RNF20: variants seen among roughly 807,000 people sequenced by gnomAD.
RNF20 encodes E3 ubiquitin-protein ligase BRE1A.
A neutral mutation model predicts 126.2 loss-of-function variants in RNF20; 84 were observed. That is an observed-to-expected ratio of 0.67 (90% confidence interval 0.56 to 0.80). The LOEUF is 0.80. RNF20 is among the 30% of genes least tolerant of loss of function. RNF20 has a pLI of 0.00. For synonymous variants in RNF20, 400 were observed against 414.3 expected (o/e 0.97, Z 0.42); for missense variants, 869 against 1,188.2 (o/e 0.73, Z 3.95).
chr9:101,557,377 C>G lies in RNF20; in HGVS notation c.2170-7C>G. ...TCTAAAATCAAATCTCTTCCTTCAT[C>G]CTTTAGGAAGAAGAAGCACTCCTCT... On this transcript the variant is annotated splice_region_variant and splice_polypyrimidine_tract_variant and intron_variant, in intron 15 of 19. Coordinates refer to ENST00000389120, the MANE Select transcript of RNF20 (RefSeq NM_019592.7). The G allele has an allele frequency of 3.1e-6, 5 of 1,604,808 alleles. No individual in the cohort carries two copies. The highest frequency in any genetic ancestry group is 4.3e-6 in the Non-Finnish European group (5 of 1,171,938).
intron 6 of RNF20, among the ~76,000 whole-genome samples, chr9:101,545,827 G>A (rs577328453): frequency 3.9e-5 from 6 of 152,296 alleles, no homozygotes; most frequent in African/African-American, 7.2e-5. Flanking sequence ...ACAAATCTCA[G>A]ATAGTATTAC....
chr9:101,552,820 GT>G (rs1827471650), intron 13 of RNF20, 67 bp downstream of exon 13: 1 of 1,437,038 alleles, frequency 7.0e-7, no homozygotes, highest in African/African-American at 1.4e-5. Flanking sequence ...TGCATGAAAT[GT>G]TTGGTTGATG....
chr9:101,545,669 G>C (rs1374191936), intron 6 of RNF20, among the ~76,000 whole-genome samples: 4 of 152,140 alleles, frequency 2.6e-5, no homozygotes, highest in Non-Finnish European at 5.9e-5. Flanking sequence ...AATTCATATG[G>C]ATTATCCTGG....
intron 15 of RNF20, 53 bp downstream of exon 15, chr9:101,554,896 A>G: frequency 1.5e-6 from 2 of 1,332,154 alleles, no homozygotes; most frequent in Non-Finnish European, 9.8e-7. Context: ...TTACTTGACA[A>G]TAAGTTATTG....
rs1456634288 is a variant in RNF20, at chr9:101,544,880, C to T, written c.742C>T (p.Gln248Ter). ...TCAGGAAAAGCATCGCACCATGTCT[C>T]AGGAGGTACTTAACCAAAAAGGAGA... ...LLQEKHRTMS[Q>*]EFSKLQSKVE... Residue 248 changes from glutamine to a stop codon, truncating the protein, a stop_gained, in exon 6 of 20, where the codon CAG becomes TAG. Transcript: ENST00000389120. LOFTEE classifies it high-confidence loss of function. 1 of 1,601,860 alleles carries T rather than the reference C, an allele frequency of 6.2e-7. No individual in the cohort carries two copies. The highest frequency in any genetic ancestry group is 8.6e-7 in the Non-Finnish European group (1 of 1,168,934).
chr9:101,538,013 G>A (rs557391016), intron 2 of RNF20, among the ~76,000 whole-genome samples: 1 of 152,324 alleles, frequency 6.6e-6, no homozygotes, highest in South Asian at 2.1e-4. Context: ...TGGAATTTAA[G>A]TTCAGTAAAG....
Position 101,547,587 on chromosome 9 carries a change from T to A in RNF20, c.1092+69T>A. 6 of 1,560,772 alleles carry A rather than the reference T, an allele frequency of 3.8e-6. No individual in the cohort carries two copies. The South Asian group carries it at 7.0e-5, about 18-fold the overall frequency. ...TGATCAACTCACGTATATACATAGTTGTGAATCTGCGTATTCATGAGGGAT... is the reference window on the plus strand; with the variant it reads ...TGATCAACTCACGTATATACATAGTAGTGAATCTGCGTATTCATGAGGGAT... On this transcript the variant is annotated intron_variant, in intron 9 of 19. Coordinates refer to ENST00000389120, the MANE Select transcript of RNF20 (RefSeq NM_019592.7).
At chr9:101,543,051 G>A (rs921712662) in intron 5 of RNF20, among the ~76,000 whole-genome samples, 19 of 152,170 alleles carry the variant, frequency 1.2e-4, no homozygotes, top group African/African-American at 4.1e-4. Flanking sequence ...CCCATTCCCT[G>A]TGGAATTTCT....
At chr9:101,549,280 A>C (rs917722230) in intron 9 of RNF20, among the ~76,000 whole-genome samples, 2 of 152,204 alleles carry the variant, frequency 1.3e-5, no homozygotes, top group Non-Finnish European at 2.9e-5. Context: ...CACGTGGGTC[A>C]CATGTCCACT....
At chr9:101,534,316 G>A (rs1054855665) in intron 1 of RNF20, 1 of 152,138 alleles carries the variant, frequency 6.6e-6, no homozygotes, top group South Asian at 2.1e-4. Flanking sequence ...CAGGGCAGAC[G>A]AAAAATATAT....
At chr9:101,555,418 C>A (rs1209814130) in intron 15 of RNF20, among the ~76,000 whole-genome samples, 1 of 151,800 alleles carries the variant, frequency 6.6e-6, no homozygotes, top group African/African-American at 2.4e-5. Context: ...GATTGTTCTC[C>A]TCCTTATAAT....
intron 9 of RNF20, among the ~76,000 whole-genome samples, chr9:101,548,382 A>G (rs964832121): frequency 3.9e-5 from 6 of 152,172 alleles, no homozygotes; most frequent in African/African-American, 1.4e-4. Flanking sequence ...TGCAGGATGA[A>G]TAAGTTCTGG....
At chr9:101,560,732 T>C in intron 16 of RNF20, 69 bp from the exon 17 acceptor site, 1 of 1,460,266 alleles carries the variant, frequency 6.8e-7, no homozygotes, top group African/African-American at 1.4e-5. Flanking sequence ...GGCTTATAGA[T>C]TAACAGAATA....
chr9:101,545,308 A>G (rs1454772901), intron 6 of RNF20, among the ~76,000 whole-genome samples: 1 of 152,228 alleles, frequency 6.6e-6, no homozygotes, highest in African/African-American at 2.4e-5. Flanking sequence ...GATCATTTTG[A>G]TTTAGTTCAA....
At position 101,562,242 on chromosome 9, in the gene RNF20, T is replaced by G; in HGVS notation, c.2752-4T>G. ...GTTCAAACTCTGACATCTTTTCTTT[T>G]TAGGCACGCTTGACCTGTCCGTGCT... is the stretch of plus-strand genomic sequence containing the variant. On this transcript the variant is annotated splice_polypyrimidine_tract_variant and splice_region_variant and intron_variant, in intron 19 of 19. Coordinates refer to ENST00000389120, the MANE Select transcript of RNF20 (RefSeq NM_019592.7). The G allele has an allele frequency of 6.2e-7, 1 of 1,606,760 alleles. No homozygotes were observed. Among genetic ancestry groups the G allele is most frequent in the Non-Finnish European group, 8.5e-7 (1 of 1,175,072 alleles).
chr9:101,535,750 A>G (rs1827172801), intron 2 of RNF20, among the ~76,000 whole-genome samples, 198 bp downstream of exon 2: 2 of 152,226 alleles, frequency 1.3e-5, no homozygotes. Context: ...TTTGTTTTCA[A>G]GGTGTACTTA....
chr9:101,552,525 A>G lies in RNF20; in HGVS notation c.1673A>G (p.Asn558Ser), dbSNP rs750558519. 6.2e-6 allele frequency: 10 copies of G among 1,613,928 alleles called. No individual in the cohort carries two copies. The highest frequency in any genetic ancestry group is 5.3e-5 in the African/African-American group (4 of 74,896). Residue 558 changes from asparagine to serine, a missense_variant, in exon 13 of 20, where the codon AAT (asparagine) becomes AGT (serine). By Grantham distance (46) the Asn-to-Ser change is conservative (BLOSUM62 1). Coordinates refer to ENST00000389120, the MANE Select transcript of RNF20 (RefSeq NM_019592.7). ...TCAAAGGCATCTCAGGAGGATGCCA[A>G]TGAAATCAAGTCTAAACGGGATGAA... ...SASKASQEDANEIKSKRDEEE... is the reference protein window; with the variant it reads ...SASKASQEDASEIKSKRDEEE...
Position 101,547,210 on chromosome 9 carries a change from G to A in RNF20, c.968G>A (p.Arg323Gln). 1.9e-6 allele frequency: 3 copies of A among 1,614,070 alleles called. No homozygotes were observed. The highest frequency in any genetic ancestry group is 1.1e-5 in the South Asian group (1 of 91,074). ...GGCGGCACAATCACTATCAATGCTC[G>A]GAAGGTAAAATCAGTGACTCAGGAC... ...LYGGTITINA[R>Q]KFEEMNAELE... The change falls in exon 8 of 20, where the codon CGG (arginine) becomes CAG (glutamine). Residue 323 changes from arginine to glutamine, a missense_variant. This residue lies in a region of RNF20 where 153 missense variants were observed against 226.4 expected (regional missense o/e 0.68). Coordinates refer to ENST00000389120, the MANE Select transcript of RNF20 (RefSeq NM_019592.7).
chr9:101,544,988 T>C, intron 6 of RNF20, 103 bp downstream of exon 6: 4 of 746,062 alleles, frequency 5.4e-6, no homozygotes, highest in African/African-American at 1.7e-5. Context: ...AGAAGGCCTA[T>C]CATATCATAG....
Sources: gnomAD v4.1 joint callset for allele counts (sites outside exome capture counted in the v4.1 genomes callset) on GRCh38, gnomAD v4.1.1 for gene constraint, gnomAD v4.1.1 regional missense constraint, MANE v1.5 for transcripts, NCBI Gene and HGNC (gene_info 2026-07-23, HGNC 2026-07-21) for gene names.